GALNT18: variants seen among roughly 807,000 people sequenced by gnomAD.
The protein encoded by GALNT18 is polypeptide N-acetylgalactosaminyltransferase 18.
In GALNT18, 44 loss-of-function variants were observed where a neutral mutation model predicts 69.5. That is an observed-to-expected ratio of 0.63 (90% CI 0.50 to 0.81). GALNT18 has a LOEUF of 0.81. GALNT18 is among the 40% of genes least tolerant of loss of function. The probability of loss-of-function intolerance (pLI) is 0.00; values close to 1 mark genes in which losing one functional copy is unlikely to be tolerated. For missense variants in GALNT18, 715 were observed against 810.0 expected, an observed-to-expected ratio of 0.88 and a Z score of 1.42; for synonymous variants, 364 against 318.2, an observed-to-expected ratio of 1.14 and a Z score of -1.53.
At position 11,344,202 on chromosome 11, in the gene GALNT18, C is replaced by G. The variant is rs541182338; in HGVS notation, c.1093-3198G>C. 7.2e-5 allele frequency among the ~76,000 whole-genome samples: 11 copies of G among 152,276 alleles called. No individual in the cohort carries two copies. In the South Asian group the frequency reaches 2.1e-3, roughly 29 times the overall value. On this transcript the variant is annotated intron_variant, in intron 6 of 10. Coordinates refer to ENST00000227756, the MANE Select transcript of GALNT18 (RefSeq NM_198516.3). ...GACCTTGTGCTCCCCAATACACTCT[C>G]TGCTACAGCCTCTATGCTGTAGCCA...
At chr11:11,416,640 C>T (rs559705861) in intron 3 of GALNT18, among the ~76,000 whole-genome samples, 47 of 152,306 alleles carry the variant, frequency 3.1e-4, no homozygotes, top group African/African-American at 8.7e-4. Flanking sequence ...AGATCTATTC[C>T]TGAGTTTTGT....
In GALNT18 at chr11:11,590,238, G is replaced by T. The variant is rs1266052723; in HGVS notation, c.235+31121C>A. On this transcript the variant is annotated intron_variant, in intron 1 of 10. Coordinates refer to ENST00000227756, the MANE Select transcript of GALNT18 (RefSeq NM_198516.3). This position sits in a 1 kb window ranked among gnomAD's most constrained non-coding sequence, Gnocchi z 4.4. ...GTGGTGGAAATTAGGTGCTCCATGCGAGTCCTGGCTCATGGGCACCTCCAT... is the reference window on the plus strand; with the variant it reads ...GTGGTGGAAATTAGGTGCTCCATGCTAGTCCTGGCTCATGGGCACCTCCAT... 6.6e-6 allele frequency among the ~76,000 whole-genome samples: 1 copy of T among 152,182 alleles called. No individual in the cohort carries two copies. Among genetic ancestry groups the T allele is most frequent in the Non-Finnish European group, 1.5e-5 (1 of 68,040 alleles).
chr11:11,405,889 G>T (rs1384218821), intron 3 of GALNT18, among the ~76,000 whole-genome samples: 1 of 152,196 alleles, frequency 6.6e-6, no homozygotes, highest in Non-Finnish European at 1.5e-5. Flanking sequence ...CTTTCTTGCT[G>T]CAGGCAGCCT....
At chr11:11,385,354 G>A (rs1376414094) in intron 3 of GALNT18, among the ~76,000 whole-genome samples, 1 of 150,906 alleles carries the variant, frequency 6.6e-6, no homozygotes, top group Non-Finnish European at 1.5e-5. Context: ...GGAGTGCAGT[G>A]GTGCAATCTC....
At chr11:11,305,787 T>C (rs1040715702) in intron 9 of GALNT18, among the ~76,000 whole-genome samples, 6 of 152,226 alleles carry the variant, frequency 3.9e-5, no homozygotes. Context: ...GCAGACACCA[T>C]GTTTGTCTTA....
chr11:11,520,712 C>A (rs866254893), intron 1 of GALNT18, among the ~76,000 whole-genome samples: 1 of 152,126 alleles, frequency 6.6e-6, no homozygotes, highest in South Asian at 2.1e-4. Context: ...GTGCTGACCA[C>A]GATGGGAGGG....
chr11:11,297,112 T>C (rs1849415576), intron 9 of GALNT18, among the ~76,000 whole-genome samples: 2 of 152,006 alleles, frequency 1.3e-5, no homozygotes, highest in Non-Finnish European at 1.5e-5. Flanking sequence ...GTCATGATGG[T>C]GGGGGTGGTA....
intron 10 of GALNT18, among the ~76,000 whole-genome samples, chr11:11,275,541 A>G (rs1001420116): frequency 6.6e-6 from 1 of 152,128 alleles, no homozygotes; most frequent in Non-Finnish European, 1.5e-5. Flanking sequence ...GTTTAATTAG[A>G]TCCCATTTGT....
intron 3 of GALNT18, among the ~76,000 whole-genome samples, chr11:11,420,526 C>T (rs1437030182): frequency 6.6e-6 from 1 of 152,218 alleles, no homozygotes; most frequent in Non-Finnish European, 1.5e-5. Flanking sequence ...TTATTCCATA[C>T]TCCAAAGATT....
Position 11,461,505 on chromosome 11 carries a change from C to T in GALNT18, c.236-12569G>A, listed in dbSNP as rs1856042021. ...TGCTACTTTAAAGCAACCTTTAAAG[C>T]TAGAATTCTGCCTAGGAGAGATATA... On this transcript the variant is annotated intron_variant, in intron 1 of 10. Transcript: ENST00000227756. This position sits in a 1 kb window ranked among gnomAD's most constrained non-coding sequence, Gnocchi z 4.1. 6.6e-6 allele frequency among the ~76,000 whole-genome samples: 1 copy of T among 152,154 alleles called. No individual in the cohort carries two copies. The highest frequency in any genetic ancestry group is 1.5e-5 in the Non-Finnish European group (1 of 68,030).
rs58191069 is a variant in GALNT18, at chr11:11,352,460, A to G, written c.1093-11456T>C. On this transcript the variant is annotated intron_variant, in intron 6 of 10. Coordinates refer to ENST00000227756, the MANE Select transcript of GALNT18 (RefSeq NM_198516.3). ...TCCGAAAGATCATACTTGCCAGCAT[A>G]CAACCCAATCTCCACATATCCAAAC... 3,694 of 1,614,174 alleles carry G rather than the reference A, an allele frequency of 2.3e-3. 72 individuals carry two copies. In the African/African-American group the frequency reaches 0.043, roughly 19 times the overall value.
chr11:11,495,537 GA>G (rs1297889909), intron 1 of GALNT18, among the ~76,000 whole-genome samples: 1 of 152,170 alleles, frequency 6.6e-6, no homozygotes, highest in Non-Finnish European at 1.5e-5. Flanking sequence ...TGCTCATTAG[GA>G]GCAAAGAGCC....
At chr11:11,471,460 G>T (rs1185796233) in intron 1 of GALNT18, among the ~76,000 whole-genome samples, 1 of 152,130 alleles carries the variant, frequency 6.6e-6, no homozygotes, top group Admixed American at 6.5e-5. Flanking sequence ...GGTAGGTGGG[G>T]ACTGGCTGCT....
chr11:11,529,352 C>G (rs550110087), intron 1 of GALNT18, among the ~76,000 whole-genome samples: 1 of 152,196 alleles, frequency 6.6e-6, no homozygotes, highest in Non-Finnish European at 1.5e-5. Context: ...AAGGCTGACC[C>G]TTCTGTGAAT....
At chr11:11,488,538 G>A (rs536019393) in intron 1 of GALNT18, among the ~76,000 whole-genome samples, 20 of 152,240 alleles carry the variant, frequency 1.3e-4, no homozygotes, top group Non-Finnish European at 1.5e-4. Flanking sequence ...ATTAGGATGT[G>A]GACCTCTTTG....
chr11:11,484,783 C>T (rs1185678203), intron 1 of GALNT18, among the ~76,000 whole-genome samples: 1 of 152,084 alleles, frequency 6.6e-6, no homozygotes, highest in Non-Finnish European at 1.5e-5. Context: ...AGCAGCCCTG[C>T]CAAAGGTCCA....
chr11:11,608,746 C>G (rs1006021260), intron 1 of GALNT18, among the ~76,000 whole-genome samples: 3 of 152,186 alleles, frequency 2.0e-5, no homozygotes, highest in Admixed American at 2.0e-4. Context: ...TAAATAGCAG[C>G]ACTGATTCTC....
In GALNT18 at chr11:11,366,916, A is replaced by G. The variant is rs151281383; in HGVS notation, c.1092+5599T>C. On this transcript the variant is annotated intron_variant, in intron 6 of 10. Coordinates refer to ENST00000227756, the MANE Select transcript of GALNT18 (RefSeq NM_198516.3). ...AGGGGATGAAAACTGGCAGACTAGG[A>G]CAACAGAAAGATTTAATGAGTTTAG... Among the ~76,000 whole-genome samples the G allele has an allele frequency of 2.0e-5, 3 of 152,342 alleles. No individual in the cohort carries two copies. In the East Asian group the frequency reaches 5.8e-4, roughly 29 times the overall value.
chr11:11,560,602 A>C (rs149521614), intron 1 of GALNT18, among the ~76,000 whole-genome samples: 1 of 152,312 alleles, frequency 6.6e-6, no homozygotes, highest in Non-Finnish European at 1.5e-5. Flanking sequence ...CTGTCCCCAC[A>C]CAGCTCTAGA....
Sources: allele counts gnomAD v4.1 joint callset (sites outside exome capture counted in the v4.1 genomes callset), GRCh38; gene constraint gnomAD v4.1.1; non-coding constraint Gnocchi (gnomAD v3.1); transcripts MANE v1.5; gene names NCBI Gene and HGNC (gene_info 2026-07-23, HGNC 2026-07-21).